Variants in PARP8 observed in about 807,000 individuals in gnomAD.
PARP8 encodes protein mono-ADP-ribosyltransferase PARP8.
In PARP8, 51 loss-of-function variants were observed where a neutral mutation model predicts 124.1. The ratio of observed to expected loss-of-function variants is 0.41; its 90% CI spans 0.33 to 0.52. The LOEUF is 0.52. Ranked by LOEUF, PARP8 falls within the 20% of genes least tolerant of loss-of-function variation. PARP8 has a pLI of 0.21. For synonymous variants in PARP8, 391 were observed against 361.5 expected, an observed-to-expected ratio of 1.08 and a Z score of -0.93; for missense variants, 860 against 1,018.9, an observed-to-expected ratio of 0.84 and a Z score of 2.12.
chr5:50,832,931 G>T, intron 23 of PARP8, 77 bp downstream of exon 23: 2 of 1,348,362 alleles, frequency 1.5e-6, no homozygotes, highest in South Asian at 2.5e-5. Context: ...GGAAAAATAG[G>T]CTTTTTAAGT....
rs4029424 is a variant in PARP8 at position 50,759,622 on chromosome 5, CTTTTT to C, written c.185-9_185-5del. ...TTTTTAAACTTATGCCTTTCATTAT[CTTTTT>C]TTTTTTTTTTTGCAGATAATACATA... On this transcript the variant is annotated splice_polypyrimidine_tract_variant and intron_variant, in intron 3 of 25. Transcript: ENST00000281631. 1.6e-5 allele frequency: 21 copies of C among 1,326,120 alleles called. No homozygotes were observed. The highest frequency in any genetic ancestry group is 2.3e-4 in the Middle Eastern group (1 of 4,372). 82.1% of individuals were successfully genotyped at this position (1,326,120 alleles called of 1,614,324 possible).
intron 2 of PARP8, among the ~76,000 whole-genome samples, chr5:50,691,824 A>G (rs908159234): frequency 3.3e-5 from 5 of 152,322 alleles, no homozygotes; most frequent in Non-Finnish European, 7.4e-5. Flanking sequence ...GCCTGACTCC[A>G]TTAGTTACCC....
At chr5:50,721,694 G>A (rs1216734375) in intron 2 of PARP8, among the ~76,000 whole-genome samples, 1 of 151,858 alleles carries the variant, frequency 6.6e-6, no homozygotes, top group Admixed American at 6.6e-5. Context: ...TCTCCCTTTT[G>A]GTAACTCTTT....
chr5:50,760,403 A>C, intron 5 of PARP8, 41 bp downstream of exon 5: 1 of 1,341,790 alleles, frequency 7.5e-7, no homozygotes, highest in Non-Finnish European at 1.0e-6. Flanking sequence ...AACAGTATAG[A>C]TATATTTAAA....
intron 14 of PARP8, among the ~76,000 whole-genome samples, chr5:50,799,394 C>T (rs904330066): frequency 6.6e-6 from 1 of 152,170 alleles, no homozygotes; most frequent in Non-Finnish European, 1.5e-5. Flanking sequence ...TGGTTTATTT[C>T]TGGACTCTCA....
rs577046199 is a variant in PARP8 at position 50,711,265 on chromosome 5, A to G, written c.147-38886A>G. ...CATTCATTACTACCTTTTTCCATGCAAAGGGAACACCAGTGTTGTTCAAGA... is the reference window on the plus strand; with the variant it reads ...CATTCATTACTACCTTTTTCCATGCGAAGGGAACACCAGTGTTGTTCAAGA... On this transcript the variant is annotated intron_variant, in intron 2 of 25. Coordinates refer to ENST00000281631, the MANE Select transcript of PARP8 (RefSeq NM_024615.4). Among the ~76,000 whole-genome samples the G allele has an allele frequency of 7.9e-5, 12 of 152,222 alleles. 1 individual carries two copies. In the East Asian group the frequency reaches 2.3e-3, roughly 29 times the overall value.
At position 50,843,355 on chromosome 5, in the gene PARP8, A is replaced by G. The variant is rs935035695; in HGVS notation, c.*1287A>G. On this transcript the variant is annotated 3_prime_UTR_variant, in exon 26 of 26. Transcript: ENST00000281631. ...TATTCAAACCCTGAATCAAGGCTCT[A>G]TCTGATTTTAATTTATGTAAAAAAA... 2.6e-5 allele frequency: 4 copies of G among 151,420 alleles called. No homozygotes were observed. The highest frequency in any genetic ancestry group is 7.3e-5 in the African/African-American group (3 of 41,080). 9.4% of individuals were successfully genotyped at this position (151,420 alleles called of 1,614,324 possible).
At chr5:50,821,033 A>AT (rs1266856383) in intron 15 of PARP8, among the ~76,000 whole-genome samples, 180 bp from the exon 16 acceptor site, 1 of 152,200 alleles carries the variant, frequency 6.6e-6, no homozygotes, top group East Asian at 1.9e-4. Flanking sequence ...CATGTTTGTT[A>AT]TTTTGAATTG....
intron 2 of PARP8, among the ~76,000 whole-genome samples, chr5:50,714,444 T>C (rs1755090020): frequency 6.6e-6 from 1 of 152,130 alleles, no homozygotes; most frequent in African/African-American, 2.4e-5. Context: ...CTGGGATACA[T>C]GTGCTGAACA....
chr5:50,806,859 T>A (rs1554065943), intron 14 of PARP8, among the ~76,000 whole-genome samples: 1 of 152,172 alleles, frequency 6.6e-6, no homozygotes, highest in East Asian at 1.9e-4. Flanking sequence ...TATAATTTCT[T>A]ATGGGATATT....
intron 2 of PARP8, among the ~76,000 whole-genome samples, chr5:50,706,583 G>T (rs758127265): frequency 6.6e-6 from 1 of 151,952 alleles, no homozygotes; most frequent in Non-Finnish European, 1.5e-5. Context: ...ATTTTGGGTA[G>T]TTATTTATTT....
At chr5:50,804,947 G>A (rs113237517) in intron 14 of PARP8, among the ~76,000 whole-genome samples, 4 of 152,132 alleles carry the variant, frequency 2.6e-5, no homozygotes, top group African/African-American at 9.6e-5. Flanking sequence ...TTCCAAAATG[G>A]AAAGAAGGTT....
At chr5:50,731,957 TA>T (rs1251649211) in intron 2 of PARP8, among the ~76,000 whole-genome samples, 2 of 152,230 alleles carry the variant, frequency 1.3e-5, no homozygotes. Flanking sequence ...TGCATCTCCC[TA>T]CGGATATATT....
At chr5:50,757,169 G>A in intron 3 of PARP8, 1 of 455,940 alleles carries the variant, frequency 2.2e-6, no homozygotes, top group South Asian at 1.5e-5. Flanking sequence ...ATTGCTTCAA[G>A]ATCCTGGTTC....
Position 50,778,565 on chromosome 5 carries a change from G to C in PARP8, c.585G>C (p.Glu195Asp), listed in dbSNP as rs745895563. Residue 195 changes from glutamate (E) to aspartate (D), a missense_variant, in exon 9 of 26, where the codon GAG becomes GAC. Physicochemically the swap from Glu to Asp is conservative, Grantham distance 45. This residue lies in a region of PARP8 where 517 missense variants were observed against 544.2 expected (regional missense o/e 0.95). Transcript: ENST00000281631. ...TTTTAAATATATTTGTGCAGGAGGA[G>C]ATTGCTGTGGCTTGGGAAGTAATTC... Reference protein sequence around the residue: ...LHIDVSFLDEEIAVAWEVIRT... With the variant: ...LHIDVSFLDEDIAVAWEVIRT... The C allele has an allele frequency of 3.7e-6, 6 of 1,604,944 alleles. No homozygotes were observed. Among genetic ancestry groups the C allele is most frequent in the Admixed American group, 3.4e-5 (2 of 59,282 alleles).
At chr5:50,810,350 G>T (rs1002049169) in intron 14 of PARP8, among the ~76,000 whole-genome samples, 4 of 151,914 alleles carry the variant, frequency 2.6e-5, no homozygotes, top group South Asian at 2.1e-4. Flanking sequence ...TTTTATTTAG[G>T]CATACATACT....
chr5:50,810,566 GT>G (rs1744327003), intron 14 of PARP8, among the ~76,000 whole-genome samples: 1 of 151,978 alleles, frequency 6.6e-6, no homozygotes, highest in South Asian at 2.1e-4. Flanking sequence ...GAGTGATTCA[GT>G]TTCTCTTCCT....
chr5:50,715,310 G>T (rs565381920), intron 2 of PARP8, among the ~76,000 whole-genome samples: 5 of 152,184 alleles, frequency 3.3e-5, no homozygotes, highest in African/African-American at 1.2e-4. Context: ...TCCACACTCT[G>T]TCAAAATATG....
intron 2 of PARP8, among the ~76,000 whole-genome samples, chr5:50,699,745 T>A (rs1753390056): frequency 6.6e-6 from 1 of 152,168 alleles, no homozygotes. Context: ...AGATCTGAGA[T>A]GGGCCAAGAT....
Sources: gnomAD v4.1 joint callset for allele counts (sites outside exome capture counted in the v4.1 genomes callset) on GRCh38, gnomAD v4.1.1 for gene constraint, gnomAD v4.1.1 regional missense constraint, MANE v1.5 for transcripts, NCBI Gene and HGNC (gene_info 2026-07-23, HGNC 2026-07-21) for gene names.